Variants in FRMD4A observed in about 807,000 individuals in gnomAD.
The protein encoded by FRMD4A is FERM domain containing 4A.
Under a neutral mutation model 129.1 loss-of-function variants are expected in FRMD4A, and 29 were observed. The observed-to-expected ratio is 0.22, with a 90% CI of 0.17 to 0.31. The LOEUF (loss-of-function observed/expected upper bound fraction) is 0.31. FRMD4A is among the 10% of genes least tolerant of loss of function. The probability of loss-of-function intolerance (pLI) is 1.00; values close to 1 mark genes in which losing one functional copy is unlikely to be tolerated. For synonymous variants in FRMD4A, 634 were observed against 571.6 expected, an observed-to-expected ratio of 1.11 and a Z score of -1.56; for missense variants, 1,272 against 1,375.8, an observed-to-expected ratio of 0.92 and a Z score of 1.19.
intron 12 of FRMD4A, among the ~76,000 whole-genome samples, chr10:13,733,013 C>T (rs555422438): frequency 4.1e-4 from 63 of 152,338 alleles, no homozygotes; most frequent in Non-Finnish European, 7.9e-4. Flanking sequence ...ATCTAGATGT[C>T]CCAGCAGCTT....
intron 17 of FRMD4A, among the ~76,000 whole-genome samples, chr10:13,668,874 G>A (rs75596122): frequency 4.6e-5 from 7 of 152,092 alleles, no homozygotes; most frequent in South Asian, 2.1e-4. Flanking sequence ...TCCTGCCTAC[G>A]GTGTGGCACC....
intron 12 of FRMD4A, among the ~76,000 whole-genome samples, chr10:13,711,050 A>G (rs993142879): frequency 1.3e-5 from 2 of 152,144 alleles, no homozygotes; most frequent in Non-Finnish European, 2.9e-5. Context: ...CCAGGAACAG[A>G]AGAGAAGGTG....
At chr10:13,905,707 G>A (rs906845713) in intron 2 of FRMD4A, among the ~76,000 whole-genome samples, 8 of 152,152 alleles carry the variant, frequency 5.3e-5, no homozygotes, top group African/African-American at 1.9e-4. Context: ...CGGAAATGGA[G>A]GCTCAGAAAC....
chr10:14,251,469 C>T (rs1032477268), intron 2 of FRMD4A, among the ~76,000 whole-genome samples: 14 of 152,152 alleles, frequency 9.2e-5, no homozygotes, highest in Non-Finnish European at 1.2e-4. Context: ...CAGTCAAATG[C>T]GTCACTACAA....
chr10:13,847,336 G>A (rs547608673), intron 3 of FRMD4A, among the ~76,000 whole-genome samples: 1 of 152,304 alleles, frequency 6.6e-6, no homozygotes, highest in African/African-American at 2.4e-5. Context: ...AAGCCAGGAA[G>A]CCACAAACAG....
At chr10:14,121,330 T>C (rs376296052) in intron 2 of FRMD4A, among the ~76,000 whole-genome samples, 15 of 152,170 alleles carry the variant, frequency 9.9e-5, no homozygotes, top group Non-Finnish European at 1.6e-4. Flanking sequence ...GTCGCACTAC[T>C]GCACTCCAGC....
rs188290360 is a variant in FRMD4A, at chr10:14,157,572, C to A, written c.45+172486G>T. Reference sequence around the variant, plus strand: ...GGAACTCGGCAAATGTCATCATTGTCCCCATCACCCCAGAGTCCAGCCAAC... The same window carrying A: ...GGAACTCGGCAAATGTCATCATTGTACCCATCACCCCAGAGTCCAGCCAAC... On this transcript the variant is annotated intron_variant, in intron 2 of 24. Coordinates refer to ENST00000357447, the MANE Select transcript of FRMD4A (RefSeq NM_018027.5). Among the ~76,000 whole-genome samples the A allele has an allele frequency of 4.1e-3, 631 of 152,290 alleles. 3 individuals carry two copies. Among genetic ancestry groups the A allele is most frequent in the Non-Finnish European group, 4.2e-3 (285 of 68,020 alleles).
intron 15 of FRMD4A, chr10:13,685,520 G>A (rs1028516448): frequency 7.5e-5 from 74 of 985,138 alleles, no homozygotes; most frequent in Non-Finnish European, 8.3e-5. Flanking sequence ...AGCTTGTTAG[G>A]CTATTGCAAT....
chr10:14,080,922 G>A (rs1230248525), intron 2 of FRMD4A, among the ~76,000 whole-genome samples: 1 of 151,872 alleles, frequency 6.6e-6, no homozygotes, highest in East Asian at 2.0e-4. Flanking sequence ...GCAGTGGGGA[G>A]CACTCTGCTG....
intron 2 of FRMD4A, among the ~76,000 whole-genome samples, chr10:14,220,909 C>T (rs548674719): frequency 6.6e-5 from 10 of 151,868 alleles, no homozygotes; most frequent in Non-Finnish European, 7.4e-5. Context: ...ATTGATTGGA[C>T]TGAAGAGCAG....
chr10:14,083,813 C>T (rs1352509172), intron 2 of FRMD4A: 2 of 152,186 alleles, frequency 1.3e-5, no homozygotes, highest in Admixed American at 6.5e-5. Context: ...TGAGCATCAT[C>T]CTGTAAAAAG....
chr10:14,290,391 T>C (rs1314552440), intron 2 of FRMD4A, among the ~76,000 whole-genome samples: 1 of 151,972 alleles, frequency 6.6e-6, no homozygotes, highest in Non-Finnish European at 1.5e-5. Flanking sequence ...TACATACCAA[T>C]GGAACAGAAA....
intron 2 of FRMD4A, among the ~76,000 whole-genome samples, chr10:13,955,937 C>T (rs370264739): frequency 3.9e-5 from 6 of 152,144 alleles, no homozygotes; most frequent in South Asian, 2.1e-4. Context: ...GGCTTGAAAT[C>T]GGTTATGCAT....
At chr10:14,067,915 G>T (rs2131711693) in intron 2 of FRMD4A, among the ~76,000 whole-genome samples, 1 of 152,296 alleles carries the variant, frequency 6.6e-6, no homozygotes, top group Middle Eastern at 3.4e-3. Context: ...AGCATTAGTA[G>T]CAGTAGAAGT....
chr10:14,042,724 A>C (rs956968547), intron 2 of FRMD4A, among the ~76,000 whole-genome samples: 4 of 152,082 alleles, frequency 2.6e-5, no homozygotes, highest in Non-Finnish European at 4.4e-5. Context: ...GCACTTTGGG[A>C]GGTCGAGATG....
intron 3 of FRMD4A, among the ~76,000 whole-genome samples, chr10:13,850,928 T>C (rs760290511): frequency 5.3e-5 from 8 of 152,200 alleles, no homozygotes; most frequent in Admixed American, 5.2e-4. Context: ...CTATAAAGAA[T>C]TGTAGGCCAG....
At position 14,110,125 on chromosome 10, in the gene FRMD4A, T is replaced by TTAAAAAAAAAAAAAAA. The variant is rs372420987; in HGVS notation, c.45+219932_45+219933insTTTTTTTTTTTTTTTA. Reference sequence around the variant, plus strand: ...GGCTGGGCAACAAAGCGAGATGCTGTAAAAAAAAAAAAAAAAAAAAAAGCT... The same window carrying TTAAAAAAAAAAAAAAA: ...GGCTGGGCAACAAAGCGAGATGCTGTTAAAAAAAAAAAAAAAAAAAAAAAAAAAAAAAAAAAAAGCT... On this transcript the variant is annotated intron_variant, in intron 2 of 24. Transcript: ENST00000357447. Among the ~76,000 whole-genome samples, 69 of 89,552 alleles carry TTAAAAAAAAAAAAAAA rather than the reference T, an allele frequency of 7.7e-4. 19 individuals are homozygous for TTAAAAAAAAAAAAAAA. Among genetic ancestry groups the TTAAAAAAAAAAAAAAA allele is most frequent in the African/African-American group, 2.4e-3 (51 of 21,522 alleles). The allele number at this position is 89,552 out of a possible 152,430, so 58.7% of individuals were successfully genotyped here.
chr10:14,047,475 T>C (rs757438354), intron 2 of FRMD4A, among the ~76,000 whole-genome samples: 1 of 152,182 alleles, frequency 6.6e-6, no homozygotes, highest in Non-Finnish European at 1.5e-5. Context: ...CAGAGGCTGA[T>C]GGAGGATTGA....
intron 3 of FRMD4A, among the ~76,000 whole-genome samples, chr10:13,832,078 G>C (rs1177395566): frequency 2.6e-5 from 4 of 152,164 alleles, no homozygotes; most frequent in African/African-American, 9.7e-5. Context: ...ATGTGCATGA[G>C]TGAGGTGGGC....
Sources: gnomAD v4.1 joint callset for allele counts (sites outside exome capture counted in the v4.1 genomes callset) on GRCh38, gnomAD v4.1.1 for gene constraint, MANE v1.5 for transcripts, NCBI Gene and HGNC (gene_info 2026-07-23, HGNC 2026-07-21) for gene names.